Variants in MAP4 observed in about 807,000 individuals in gnomAD.
MAP4 encodes the protein microtubule associated protein 4.
MAP4 carries 76 observed loss-of-function variants against 170.2 expected under a neutral mutation model. The observed-to-expected ratio is 0.45, with a 90% CI of 0.37 to 0.54. The LOEUF is 0.54. Among genes scored for constraint, MAP4 ranks in the 20% least tolerant of loss-of-function variants. The pLI is 0.00. For missense variants in MAP4, 2,506 were observed against 2,748.0 expected (o/e 0.91, Z 1.97); for synonymous variants, 909 against 994.5 (o/e 0.91, Z 1.62).
chr3:47,970,720 G>A (rs374709383), intron 3 of MAP4, among the ~76,000 whole-genome samples: 95 of 152,284 alleles, frequency 6.2e-4, no homozygotes, highest in African/African-American at 2.2e-3. Flanking sequence ...GGGAGGCTGA[G>A]GCAGGAGAAT....
At chr3:47,882,060 C>G (rs992139127) in intron 10 of MAP4, among the ~76,000 whole-genome samples, 3 of 152,194 alleles carry the variant, frequency 2.0e-5, no homozygotes, top group Non-Finnish European at 4.4e-5. Context: ...GGGCTTATCA[C>G]CTGAAGTCAG....
chr3:47,941,192 G>A (rs2100056086), intron 3 of MAP4, among the ~76,000 whole-genome samples: 1 of 131,602 alleles, frequency 7.6e-6, no homozygotes, highest in Non-Finnish European at 1.5e-5. Flanking sequence ...AGATCAGCCT[G>A]GGCAACATAA....
At chr3:47,994,107 A>T (rs2100093973) in intron 2 of MAP4, among the ~76,000 whole-genome samples, 1 of 152,176 alleles carries the variant, frequency 6.6e-6, no homozygotes, top group Non-Finnish European at 1.5e-5. Flanking sequence ...ACCAAAAAAA[A>T]CTTTAAAGGG....
intron 17 of MAP4, among the ~76,000 whole-genome samples, chr3:47,865,493 T>C (rs979751816): frequency 6.7e-6 from 1 of 148,728 alleles, no homozygotes; most frequent in Non-Finnish European, 1.5e-5. Context: ...GGTGAGAAGA[T>C]GACCAGGAAG....
chr3:47,905,404 T>G (rs537780140), intron 9 of MAP4, among the ~76,000 whole-genome samples: 125 of 151,894 alleles, frequency 8.2e-4, no homozygotes, highest in Non-Finnish European at 1.6e-3. Context: ...AGTCCAGAAA[T>G]AGACCAAATA....
intron 3 of MAP4, among the ~76,000 whole-genome samples, chr3:47,929,008 A>C (rs1402653404): frequency 6.6e-6 from 1 of 152,218 alleles, no homozygotes; most frequent in Non-Finnish European, 1.5e-5. Context: ...ACAATTTTGA[A>C]GAAAAACAGT....
rs1559423348 is a variant in MAP4 at position 47,911,144 on chromosome 3, CCTT to C, written c.3274_3276del (p.Lys1092del). 2 of 1,536,154 alleles carry C rather than the reference CCTT, an allele frequency of 1.3e-6. No individual in the cohort carries two copies. The highest frequency in any genetic ancestry group is 1.2e-5 in the South Asian group (1 of 84,062). ...CTCGGTATGAGAACAGCCCTTCCGT[CCTT>C]CTGGCTGTCCAGAAGAAATGGCAGC... On this transcript the variant is annotated inframe_deletion, in exon 9 of 21. Transcript: ENST00000683076. This position sits in a 1 kb window ranked among gnomAD's most constrained non-coding sequence, Gnocchi z 4.0.
rs144199112 is a variant in MAP4 at position 48,055,109 on chromosome 3, G to C, written c.-20+33664C>G. On this transcript the variant is annotated intron_variant, in intron 1 of 18. Transcript: ENST00000360240. ...CCTGCAGACCAGTAACAAGATCAGC[G>C]GGGACCACGTGGGGAACCTGGGCCT... Among the ~76,000 whole-genome samples the C allele has an allele frequency of 1.8e-3, 267 of 152,248 alleles. 2 individuals carry two copies. Among genetic ancestry groups the C allele is most frequent in the African/African-American group, 6.0e-3 (251 of 41,532 alleles).
chr3:47,963,286 G>A (rs2100072791), intron 3 of MAP4, among the ~76,000 whole-genome samples: 1 of 152,210 alleles, frequency 6.6e-6, no homozygotes, highest in Admixed American at 6.5e-5. Flanking sequence ...AACTTTCTAT[G>A]TGGACATTAA....
Position 48,014,723 on chromosome 3 carries a change from G to A in MAP4, c.-20+1611C>T, listed in dbSNP as rs553279755. On this transcript the variant is annotated intron_variant, in intron 1 of 20. Transcript: ENST00000683076. ...CATACTCACTTTTCCTAACCACTGTGTTAGGAAACCTTCATTTTACTGTGT... is the reference window on the plus strand; with the variant it reads ...CATACTCACTTTTCCTAACCACTGTATTAGGAAACCTTCATTTTACTGTGT... Among the ~76,000 whole-genome samples the A allele has an allele frequency of 2.0e-5, 3 of 151,792 alleles. No individual in the cohort carries two copies. In the South Asian group the frequency reaches 6.2e-4, roughly 32 times the overall value.
At chr3:47,888,224 G>A (rs1436845709) in intron 10 of MAP4, among the ~76,000 whole-genome samples, 1 of 152,186 alleles carries the variant, frequency 6.6e-6, no homozygotes, top group Non-Finnish European at 1.5e-5. Flanking sequence ...CCAATCAGCA[G>A]GATGTGGGTG....
intron 1 of MAP4, among the ~76,000 whole-genome samples, chr3:48,058,905 G>C (rs140371849): frequency 5.3e-5 from 8 of 151,866 alleles, no homozygotes; most frequent in Admixed American, 1.3e-4. Context: ...CTCAGCCTCC[G>C]AGTAGCTGAG....
chr3:47,995,647 T>C (rs557066701), intron 2 of MAP4, among the ~76,000 whole-genome samples: 2 of 152,162 alleles, frequency 1.3e-5, no homozygotes, highest in Non-Finnish European at 2.9e-5. Flanking sequence ...ATTAAACATA[T>C]ATTAAGGAAG....
At chr3:48,081,924 G>A (rs2100146850) in intron 1 of MAP4, among the ~76,000 whole-genome samples, 1 of 152,126 alleles carries the variant, frequency 6.6e-6, no homozygotes, top group African/African-American at 2.4e-5. Flanking sequence ...TGAGACTGGG[G>A]CATCTTACAG....
At chr3:47,914,405 C>A (rs1291001682) in intron 8 of MAP4, among the ~76,000 whole-genome samples, 1 of 151,960 alleles carries the variant, frequency 6.6e-6, no homozygotes, top group Non-Finnish European at 1.5e-5. Context: ...TAAAAATTAG[C>A]CGGGCATGGT....
Position 47,998,618 on chromosome 3 carries a change from A to T in MAP4, c.223+20T>A, listed in dbSNP as rs772304563. Reference sequence around the variant, plus strand: ...ACCTGCTTTCTGAACATATATAAGCAGTCTGGTTTAAATACTTACCTTCAA... The same window carrying T: ...ACCTGCTTTCTGAACATATATAAGCTGTCTGGTTTAAATACTTACCTTCAA... On this transcript the variant is annotated intron_variant, in intron 2 of 20. Transcript: ENST00000683076. The T allele has an allele frequency of 6.4e-7, 1 of 1,569,846 alleles. No homozygotes were observed. Among genetic ancestry groups the T allele is most frequent in the Admixed American group, 1.7e-5 (1 of 59,772 alleles).
rs372770611 is a variant in MAP4, at chr3:47,928,268, A to G, written c.375T>C (p.Phe125=). ...NSQNWPEDTN[F]CFQPEQVVDP... ...CGACCACTTGCTCAGGTTGGAAACA[A>G]AAGTTGGTATCTTCTGGCCAGTTCT... is the stretch of plus-strand genomic sequence containing the variant. Residue 125 remains phenylalanine (F), a synonymous_variant, in exon 4 of 21, where the codon TTT becomes TTC. Transcript: ENST00000683076. The G allele has an allele frequency of 3.7e-6, 6 of 1,614,114 alleles. No individual in the cohort carries two copies. The highest frequency in any genetic ancestry group is 4.2e-6 in the Non-Finnish European group (5 of 1,180,046).
intron 1 of MAP4, among the ~76,000 whole-genome samples, chr3:48,045,427 T>A (rs965313947): frequency 1.6e-4 from 24 of 152,078 alleles, no homozygotes; most frequent in Non-Finnish European, 5.9e-5. Flanking sequence ...GGCATTAGAT[T>A]CTCATAAGAG....
chr3:47,916,283 G>A lies in MAP4; in HGVS notation c.1544C>T (p.Ala515Val), dbSNP rs1239557433. 2 of 1,614,216 alleles carry A rather than the reference G, an allele frequency of 1.2e-6. No homozygotes were observed. The highest frequency in any genetic ancestry group is 4.5e-5 in the East Asian group (2 of 44,890). The change falls in exon 7 of 21, where the codon GCT (alanine) becomes GTT (valine). Residue 515 changes from alanine to valine, a missense_variant. Physicochemically the swap from Ala to Val is moderately conservative, Grantham distance 64. This residue lies in a region of MAP4 where 2,008 missense variants were observed against 2,206.0 expected (regional missense o/e 0.91). Transcript: ENST00000683076. Reference sequence around the variant, plus strand: ...AGGTGGAGTCACATCCTTGCCCAGAGCCATTTCTGTTTCTGATAGTGGAGA... The same window carrying A: ...AGGTGGAGTCACATCCTTGCCCAGAACCATTTCTGTTTCTGATAGTGGAGA... ...DMSPLSETEM[A>V]LGKDVTPPPE...
Sources: gnomAD v4.1 joint callset for allele counts (sites outside exome capture counted in the v4.1 genomes callset) on GRCh38, gnomAD v4.1.1 for gene constraint, gnomAD v4.1.1 regional missense constraint, Gnocchi (gnomAD v3.1) non-coding constraint, MANE v1.5 for transcripts, NCBI Gene and HGNC (gene_info 2026-07-23, HGNC 2026-07-21) for gene names.